The following GUCY2F variants were observed in gnomAD, a reference collection of about 807,000 sequenced individuals.
GUCY2F encodes the protein retinal guanylyl cyclase 2.
A neutral mutation model predicts 73.1 loss-of-function variants in GUCY2F; 61 were observed. The observed-to-expected ratio is 0.83, with a 90% CI of 0.68 to 1.03. GUCY2F has a LOEUF of 1.03. Among genes scored for constraint, GUCY2F ranks in the 50% least tolerant of loss-of-function variants. The pLI is 0.00. For missense variants in GUCY2F, 912 were observed against 854.3 expected (o/e 1.07, Z -0.84); for synonymous variants, 331 against 307.8 (o/e 1.08, Z -0.79).
chrX:109,389,458 A>G (rs1930510343), intron 14 of GUCY2F, among the ~76,000 whole-genome samples: 1 of 111,807 alleles, frequency 8.9e-6, no homozygotes, highest in African/African-American at 3.2e-5. Flanking sequence ...TCCAGTTAAA[A>G]CCCATGTGTT....
At chrX:109,456,571 T>C (rs1932264854) in intron 3 of GUCY2F, among the ~76,000 whole-genome samples, 1 of 111,609 alleles carries the variant, frequency 9.0e-6, no homozygotes, top group Non-Finnish European at 1.9e-5. Flanking sequence ...GATTGACCCA[T>C]TGGAGCTGAC....
rs763462771 is a variant in GUCY2F at position 109,453,852 on chromosome X, G to A, written c.1040C>T (p.Pro347Leu). Residue 347 changes from proline (P) to leucine (L), a missense_variant, in exon 4 of 20, where the codon CCG (proline) becomes CTG (leucine). Coordinates refer to ENST00000218006, the MANE Select transcript of GUCY2F (RefSeq NM_001522.3). The stretch of plus-strand genomic sequence containing the variant: ...TGAATTGTAGATGGTTCCAAACAAC[G>A]GTGAAACCTATTTTTAAAAATTACA... ...PEKLEFDQVS[P>L]LFGTIYNSIY... 8 of 1,119,872 alleles carry A rather than the reference G, an allele frequency of 7.1e-6. No individual in the cohort carries two copies. The highest frequency in any genetic ancestry group is 5.0e-5 in the Admixed American group (2 of 40,339). 92.3% of individuals were successfully genotyped at this position (1,119,872 alleles called of 1,213,427 possible).
Position 109,446,455 on chromosome X carries a change from C to T in GUCY2F, c.1569+1614G>A, listed in dbSNP as rs533018884. 6.3e-5 allele frequency among the ~76,000 whole-genome samples: 7 copies of T among 111,107 alleles called. No homozygotes were observed. The South Asian group carries it at 2.6e-3, about 42-fold the overall frequency. ...TAGATCAATGGAACAGAACAGAGCCCTCAGAAATAATACTACACATCTACA... is the reference window on the plus strand; with the variant it reads ...TAGATCAATGGAACAGAACAGAGCCTTCAGAAATAATACTACACATCTACA... On this transcript the variant is annotated intron_variant, in intron 6 of 19. Transcript: ENST00000218006.
At chrX:109,431,794 T>C (rs1055200951) in intron 7 of GUCY2F, among the ~76,000 whole-genome samples, 1 of 109,375 alleles carries the variant, frequency 9.1e-6, no homozygotes, top group Non-Finnish European at 1.9e-5. Context: ...CAAAGGCTAA[T>C]GGAAGCTGCA....
intron 14 of GUCY2F, 124 bp downstream of exon 14, chrX:109,391,787 A>C (rs1295187419): frequency 5.0e-6 from 2 of 398,219 alleles, no homozygotes; most frequent in East Asian, 8.6e-5. Flanking sequence ...GGGGTGTACT[A>C]TTTAATTTGT....
At chrX:109,466,241 T>C (rs189017558) in intron 2 of GUCY2F, among the ~76,000 whole-genome samples, 28 of 111,718 alleles carry the variant, frequency 2.5e-4, no homozygotes, top group Non-Finnish European at 4.9e-4. Context: ...AATCCAAAAA[T>C]CTGAAATCTG....
intron 6 of GUCY2F, among the ~76,000 whole-genome samples, chrX:109,446,072 G>A (rs1671276135): frequency 8.9e-6 from 1 of 111,880 alleles, no homozygotes; most frequent in South Asian, 3.7e-4. Flanking sequence ...TATAAGGGAT[G>A]TGAAGGAACT....
At chrX:109,433,339 T>C (rs1219855367) in intron 7 of GUCY2F, among the ~76,000 whole-genome samples, 2 of 111,772 alleles carry the variant, frequency 1.8e-5, no homozygotes. Context: ...ACACAATCCC[T>C]TCATATTTTG....
chrX:109,420,135 C>T (rs1366792173), intron 8 of GUCY2F, among the ~76,000 whole-genome samples: 1 of 106,111 alleles, frequency 9.4e-6, no homozygotes, highest in Non-Finnish European at 2.0e-5. Flanking sequence ...TGATCATTGT[C>T]TCAGTCTCTA....
At chrX:109,425,664 G>C (rs1219458637) in intron 8 of GUCY2F, among the ~76,000 whole-genome samples, 9 of 108,911 alleles carry the variant, frequency 8.3e-5, no homozygotes, top group African/African-American at 2.7e-4. Context: ...GGGTGGGAGG[G>C]GGGCGAGAGA....
Position 109,453,752 on chromosome X carries a change from C to T in GUCY2F, c.1140G>A (p.Gln380=). The change falls in exon 4 of 20, where the codon CAG becomes CAA. Residue 380 remains glutamine (Q), a synonymous_variant. Transcript: ENST00000218006. ...NGQAGAASLV[Q]HSRNMQFHGF... The stretch of plus-strand genomic sequence containing the variant: ...CATGGAACTGCATGTTTCTGGAATG[C>T]TGAACCAGGCTGGCAGCACCAGCCT... The T allele has an allele frequency of 1.7e-6, 2 of 1,199,537 alleles. No individual in the cohort carries two copies. The highest frequency in any genetic ancestry group is 3.5e-5 in the South Asian group (2 of 56,685).
intron 3 of GUCY2F, among the ~76,000 whole-genome samples, chrX:109,454,464 C>A (rs986186395): frequency 1.8e-5 from 2 of 111,556 alleles, no homozygotes; most frequent in Non-Finnish European, 3.8e-5. Flanking sequence ...CTGACACATA[C>A]GCACCCAGCT....
intron 8 of GUCY2F, among the ~76,000 whole-genome samples, chrX:109,417,094 A>G (rs1409347725): frequency 9.0e-6 from 1 of 111,302 alleles, no homozygotes; most frequent in Admixed American, 9.5e-5. Context: ...GGCCTGCAAT[A>G]CAAGTAATGC....
intron 8 of GUCY2F, among the ~76,000 whole-genome samples, chrX:109,420,251 AAG>A: frequency 9.8e-6 from 1 of 101,897 alleles, no homozygotes. Flanking sequence ...AAGAAAAAGA[AAG>A]AGAGAGGGGG....
chrX:109,469,847 C>T (rs1330904351), intron 2 of GUCY2F, among the ~76,000 whole-genome samples: 1 of 111,484 alleles, frequency 9.0e-6, no homozygotes, highest in African/African-American at 3.3e-5. Flanking sequence ...GCCCCATCCC[C>T]AACTGTGACT....
intron 14 of GUCY2F, among the ~76,000 whole-genome samples, chrX:109,390,007 C>T (rs1241748153): frequency 8.9e-6 from 1 of 111,955 alleles, no homozygotes; most frequent in Non-Finnish European, 1.9e-5. Flanking sequence ...ATAGGCATGC[C>T]AGCCTGCACA....
intron 10 of GUCY2F, 82 bp from the exon 11 acceptor site, chrX:109,398,780 T>C: frequency 2.3e-6 from 2 of 871,894 alleles, no homozygotes; most frequent in Non-Finnish European, 3.2e-6. Flanking sequence ...CAGAGGGTAC[T>C]GTTTTATTGA....
Position 109,465,051 on chromosome X carries a change from C to A in GUCY2F, c.1032+91G>T, listed in dbSNP as rs2179407. ...TGGTTGCCTGCCATTGACTGGGCCT[C>A]CTATGGAATTGAGACTGTTGGTCTG... On this transcript the variant is annotated intron_variant, in intron 3 of 19. Coordinates refer to ENST00000218006, the MANE Select transcript of GUCY2F (RefSeq NM_001522.3). The A allele has an allele frequency of 6.4e-3, 4,103 of 638,460 alleles. 116 individuals are homozygous for A. In the African/African-American group the frequency reaches 0.081, roughly 13 times the overall value. The allele number at this position is 638,460 out of a possible 1,213,427, so 52.6% of individuals were successfully genotyped here.
intron 8 of GUCY2F, among the ~76,000 whole-genome samples, chrX:109,416,707 GCATATAT>G (rs1444336679): frequency 9.0e-6 from 1 of 110,737 alleles, no homozygotes; most frequent in Non-Finnish European, 1.9e-5. Context: ...AAAATGCCCT[GCATATAT>G]CATATTCAAA....
Sources: gnomAD v4.1 joint callset for allele counts (sites outside exome capture counted in the v4.1 genomes callset) on GRCh38, gnomAD v4.1.1 for gene constraint, MANE v1.5 for transcripts, NCBI Gene and HGNC (gene_info 2026-07-23, HGNC 2026-07-21) for gene names.